The following NAV3 variants were observed in gnomAD, a reference collection of about 807,000 sequenced individuals.
The protein encoded by NAV3 is neuron navigator 3.
NAV3 carries 87 observed loss-of-function variants against 244.7 expected under a neutral mutation model. The observed-to-expected ratio is 0.36, with a 90% CI of 0.30 to 0.42. The LOEUF (loss-of-function observed/expected upper bound fraction) is 0.42, where lower values mean the gene tolerates loss of function less well. Ranked by LOEUF, NAV3 falls within the 20% of genes least tolerant of loss-of-function variation. NAV3 has a pLI of 1.00. For synonymous variants in NAV3, 1,126 were observed against 1,042.2 expected (o/e 1.08, Z -1.55); for missense variants, 2,663 against 2,893.3 (o/e 0.92, Z 1.83).
intron 2 of NAV3, among the ~76,000 whole-genome samples, chr12:77,645,294 G>T (rs711124): frequency 0.14 from 21,051 of 151,654 alleles, 2,751 homozygotes; most frequent in African/African-American, 0.34. Flanking sequence ...TGAGCTAAAG[G>T]TATCCATTGA....
At chr12:77,972,686 G>A (rs1893096702) in intron 5 of NAV3, among the ~76,000 whole-genome samples, 1 of 152,068 alleles carries the variant, frequency 6.6e-6, no homozygotes, top group Non-Finnish European at 1.5e-5. Flanking sequence ...ATAAATGTTG[G>A]TATCATAGTT....
At chr12:78,004,879 A>C (rs1873932419) in intron 7 of NAV3, among the ~76,000 whole-genome samples, 1 of 152,120 alleles carries the variant, frequency 6.6e-6, no homozygotes, top group Non-Finnish European at 1.5e-5. Flanking sequence ...TGTTATGACT[A>C]TTACTGTGGG....
chr12:78,147,300 T>C (rs1248379387), intron 21 of NAV3, among the ~76,000 whole-genome samples: 1 of 152,100 alleles, frequency 6.6e-6, no homozygotes, highest in Non-Finnish European at 1.5e-5. Context: ...ACACTGATCA[T>C]AGTATAGCTA....
At chr12:78,059,583 C>G (rs372947521) in intron 12 of NAV3, among the ~76,000 whole-genome samples, 2 of 152,050 alleles carry the variant, frequency 1.3e-5, no homozygotes, top group Non-Finnish European at 2.9e-5. Flanking sequence ...CTCTACGCCC[C>G]GCCTATTTGG....
chr12:77,773,665 C>G (rs1870210854), intron 2 of NAV3, among the ~76,000 whole-genome samples: 1 of 152,024 alleles, frequency 6.6e-6, no homozygotes. Context: ...AAAAAGAATG[C>G]TATTGAGGAG....
chr12:77,915,274 A>G (rs1310918721), intron 1 of NAV3, among the ~76,000 whole-genome samples: 4 of 152,032 alleles, frequency 2.6e-5, no homozygotes, highest in African/African-American at 2.4e-5. Flanking sequence ...ATCACATGCT[A>G]TGCAAGAGAA....
rs1412775205 is a variant in NAV3, at chr12:78,185,595, TGATA to T, written c.5693-1_5695del. ...TTGTGTATGTCTTTCTTTTAAAATTTGATAGATATTTTGCTAGATGATGCTGGTG... is the reference window on the plus strand; with the variant it reads ...TTGTGTATGTCTTTCTTTTAAAATTTGATATTTTGCTAGATGATGCTGGTG... On this transcript the variant is annotated splice_acceptor_variant and splice_polypyrimidine_tract_variant and intron_variant, in intron 30 of 39. Transcript: ENST00000397909. LOFTEE classifies it high-confidence loss of function. The T allele has an allele frequency of 1.2e-6, 2 of 1,606,326 alleles. No individual in the cohort carries two copies. Among genetic ancestry groups the T allele is most frequent in the Non-Finnish European group, 1.7e-6 (2 of 1,176,182 alleles).
chr12:77,653,939 C>A (rs187717843), intron 2 of NAV3, among the ~76,000 whole-genome samples: 2 of 137,564 alleles, frequency 1.5e-5, no homozygotes, highest in Non-Finnish European at 3.2e-5. Context: ...GCAGATACCC[C>A]CTGAAGTAAA....
At chr12:77,859,908 C>A (rs931400642) in intron 1 of NAV3, among the ~76,000 whole-genome samples, 18 of 151,824 alleles carry the variant, frequency 1.2e-4, no homozygotes, top group Admixed American at 3.9e-4. Flanking sequence ...CTCCTTATCA[C>A]ACCATCACAA....
chr12:77,853,083 G>C (rs1297793360), intron 1 of NAV3, among the ~76,000 whole-genome samples: 3 of 152,212 alleles, frequency 2.0e-5, no homozygotes, highest in Non-Finnish European at 4.4e-5. Flanking sequence ...GGTTGTACCA[G>C]ATTGCTTTCT....
In NAV3 at chr12:77,709,512, C is replaced by T. The variant is rs971048300; in HGVS notation, c.72+137246C>T. 5.9e-5 allele frequency among the ~76,000 whole-genome samples: 9 copies of T among 152,182 alleles called. No individual in the cohort carries two copies. In the East Asian group the frequency reaches 7.7e-4, roughly 13 times the overall value. ...ACATTCTGTAAATAAATTTAATAAA[C>T]TATTATGGGTGCCATGAAGATGCTT... On this transcript the variant is annotated intron_variant, in intron 2 of 8. Transcript: ENST00000550042.
At chr12:77,890,172 A>T (rs1318363560) in intron 1 of NAV3, among the ~76,000 whole-genome samples, 2 of 152,204 alleles carry the variant, frequency 1.3e-5, no homozygotes, top group African/African-American at 4.8e-5. Flanking sequence ...TGATCACTGC[A>T]AACTCCGCTC....
intron 35 of NAV3, among the ~76,000 whole-genome samples, 200 bp downstream of exon 35, chr12:78,197,601 T>C (rs975672012): frequency 6.6e-6 from 1 of 151,924 alleles, no homozygotes; most frequent in Non-Finnish European, 1.5e-5. Context: ...TAACTCCAGC[T>C]AATTAACATG....
chr12:78,033,615 A>G (rs1457881613), intron 9 of NAV3, among the ~76,000 whole-genome samples: 1 of 152,100 alleles, frequency 6.6e-6, no homozygotes, highest in Non-Finnish European at 1.5e-5. Context: ...CTCAGAGTAA[A>G]TGTGGACTGA....
intron 2 of NAV3, among the ~76,000 whole-genome samples, chr12:77,749,304 T>C (rs1004474820): frequency 7.9e-5 from 12 of 152,216 alleles, no homozygotes; most frequent in African/African-American, 2.7e-4. Flanking sequence ...TTCTGTTACG[T>C]TGAGATATTC....
chr12:77,725,785 A>T (rs1876849805), intron 2 of NAV3, among the ~76,000 whole-genome samples: 1 of 151,980 alleles, frequency 6.6e-6, no homozygotes, highest in Non-Finnish European at 1.5e-5. Flanking sequence ...AATGGGCCTC[A>T]CTGGGTTAAA....
intron 2 of NAV3, among the ~76,000 whole-genome samples, chr12:77,625,089 A>G (rs1447734233): frequency 6.6e-6 from 1 of 152,220 alleles, no homozygotes; most frequent in East Asian, 1.9e-4. Flanking sequence ...TTTTTAAGAA[A>G]TTTAAAACTT....
chr12:77,864,497 A>T (rs1031316040), intron 1 of NAV3, among the ~76,000 whole-genome samples: 8 of 151,954 alleles, frequency 5.3e-5, no homozygotes, highest in Admixed American at 5.2e-4. Flanking sequence ...CATAGTAAAT[A>T]AATATTTATG....
intron 2 of NAV3, among the ~76,000 whole-genome samples, chr12:77,825,175 G>T (rs141155992): frequency 1.1e-4 from 16 of 152,268 alleles, no homozygotes; most frequent in African/African-American, 3.6e-4. Flanking sequence ...AACAAAAGCT[G>T]AGACAGTTAA....
Sources: allele counts gnomAD v4.1 joint callset (sites outside exome capture counted in the v4.1 genomes callset), GRCh38; gene constraint gnomAD v4.1.1; transcripts MANE v1.5; gene names NCBI Gene and HGNC (gene_info 2026-07-23, HGNC 2026-07-21).